CMTM7: variants seen among roughly 807,000 people sequenced by gnomAD.
The protein encoded by CMTM7 is CKLF-like MARVEL transmembrane domain-containing protein 7.
Under a neutral mutation model 19.3 loss-of-function variants are expected in CMTM7, and 7 were observed. The ratio of observed to expected loss-of-function variants is 0.36; its 90% CI spans 0.21 to 0.68. CMTM7 has a LOEUF of 0.68. CMTM7 is among the 30% of genes least tolerant of loss of function. CMTM7 has a pLI of 0.60. For synonymous variants in CMTM7, 87 were observed against 99.3 expected, an observed-to-expected ratio of 0.88 and a Z score of 0.74; for missense variants, 193 against 232.6, an observed-to-expected ratio of 0.83 and a Z score of 1.11.
In CMTM7 at chr3:32,455,465, T is replaced by C. The variant is rs1313077468; in HGVS notation, c.*1211T>C. On this transcript the variant is annotated 3_prime_UTR_variant, in exon 5 of 5. Coordinates refer to ENST00000334983, the MANE Select transcript of CMTM7 (RefSeq NM_138410.4). ...GCCCCTGTGGGCTTTGAGCTGGAGC[T>C]CTGGGGCTACTCTTGTGGCTGCTGG... The C allele has an allele frequency of 6.6e-6, 1 of 152,430 alleles. No individual in the cohort carries two copies. The highest frequency in any genetic ancestry group is 1.5e-5 in the Non-Finnish European group (1 of 68,250). The allele number at this position is 152,430 out of a possible 1,614,324, so 9.4% of individuals were successfully genotyped here.
chr3:32,454,502 G>C lies in CMTM7; in HGVS notation c.*248G>C. ...TTCTGGGAAAGGAAAGCAGCCTCCA[G>C]GGAAATGTTTTCTGCCTTCCTGCTT... On this transcript the variant is annotated 3_prime_UTR_variant, in exon 5 of 5. Transcript: ENST00000334983. 1 of 692,970 alleles carries C rather than the reference G, an allele frequency of 1.4e-6. No individual in the cohort carries two copies. Among genetic ancestry groups the C allele is most frequent in the Non-Finnish European group, 2.6e-6 (1 of 379,544 alleles). The allele number at this position is 692,970 out of a possible 1,614,324, so 42.9% of individuals were successfully genotyped here.
chr3:32,418,556 C>T (rs192302375), intron 1 of CMTM7, among the ~76,000 whole-genome samples: 69 of 152,144 alleles, frequency 4.5e-4, no homozygotes, highest in Admixed American at 1.6e-3. Context: ...GTCTGTGATC[C>T]GTTTTGAATT....
At chr3:32,444,808 T>A (rs1301207329) in intron 2 of CMTM7, among the ~76,000 whole-genome samples, 9 of 152,184 alleles carry the variant, frequency 5.9e-5, no homozygotes, top group Non-Finnish European at 2.9e-5. Flanking sequence ...TGGAGTGCAG[T>A]GGCAAGATCA....
At chr3:32,406,665 G>C (rs1041721709) in intron 1 of CMTM7, among the ~76,000 whole-genome samples, 1 of 152,218 alleles carries the variant, frequency 6.6e-6, no homozygotes, top group African/African-American at 2.4e-5. Context: ...GTTACAGGGA[G>C]TGTTCAAGTC....
At chr3:32,402,081 T>TTTTGTTTG (rs569991620) in intron 1 of CMTM7, among the ~76,000 whole-genome samples, 81 of 152,108 alleles carry the variant, frequency 5.3e-4, no homozygotes, top group African/African-American at 1.7e-3. Context: ...TAAGCAAAGG[T>TTTTGTTTG]TTTGTTTGTT....
At chr3:32,436,288 G>T (rs1696596855) in intron 1 of CMTM7, among the ~76,000 whole-genome samples, 1 of 152,194 alleles carries the variant, frequency 6.6e-6, no homozygotes, top group Non-Finnish European at 1.5e-5. Flanking sequence ...AGGTTTCTCA[G>T]CCAGTGGGTG....
intron 1 of CMTM7, among the ~76,000 whole-genome samples, chr3:32,412,410 C>T (rs1696190367): frequency 6.6e-6 from 1 of 151,278 alleles, no homozygotes; most frequent in Admixed American, 6.6e-5. Context: ...TTGCTTGAAC[C>T]CAGGAGGCAG....
chr3:32,413,068 G>A (rs1417664596), intron 1 of CMTM7, among the ~76,000 whole-genome samples: 1 of 152,166 alleles, frequency 6.6e-6, no homozygotes, highest in Non-Finnish European at 1.5e-5. Context: ...ACCTGTTTTT[G>A]TAAATAAAGT....
chr3:32,425,075 C>G (rs1423390173), intron 1 of CMTM7, among the ~76,000 whole-genome samples: 1 of 152,160 alleles, frequency 6.6e-6, no homozygotes, highest in Non-Finnish European at 1.5e-5. Context: ...AGGACTGAAT[C>G]CCAGTTCTGT....
intron 1 of CMTM7, among the ~76,000 whole-genome samples, chr3:32,408,698 A>G (rs1041926485): frequency 6.6e-6 from 1 of 152,208 alleles, no homozygotes; most frequent in African/African-American, 2.4e-5. Context: ...CCAAACCATC[A>G]GAATGCCAAA....
chr3:32,403,972 T>C (rs746828479), intron 1 of CMTM7, among the ~76,000 whole-genome samples: 17 of 152,156 alleles, frequency 1.1e-4, no homozygotes, highest in Non-Finnish European at 1.6e-4. Context: ...ATACACCATA[T>C]TTTAGGAAGC....
At chr3:32,446,866 C>G (rs1250854253) in intron 2 of CMTM7, among the ~76,000 whole-genome samples, 3 of 152,178 alleles carry the variant, frequency 2.0e-5, no homozygotes, top group Non-Finnish European at 4.4e-5. Flanking sequence ...AAGCCCTCAC[C>G]AGAAGCAGAT....
chr3:32,414,348 T>C (rs1696226711), intron 1 of CMTM7, among the ~76,000 whole-genome samples: 1 of 152,216 alleles, frequency 6.6e-6, no homozygotes, highest in South Asian at 2.1e-4. Flanking sequence ...CAGCTTCTGT[T>C]TGGTGCAAGT....
At chr3:32,393,636 T>A (rs1043555030) in intron 1 of CMTM7, among the ~76,000 whole-genome samples, 2 of 151,954 alleles carry the variant, frequency 1.3e-5, no homozygotes, top group South Asian at 2.1e-4. Flanking sequence ...ACAAAAAAAA[T>A]TTTAAAACCT....
At chr3:32,405,676 G>T (rs550586059) in intron 1 of CMTM7, among the ~76,000 whole-genome samples, 2 of 152,272 alleles carry the variant, frequency 1.3e-5, no homozygotes, top group South Asian at 4.2e-4. Flanking sequence ...GATTGCTTGA[G>T]CCCAGGAGTT....
intron 1 of CMTM7, among the ~76,000 whole-genome samples, chr3:32,394,377 T>C (rs1045642664): frequency 6.6e-6 from 1 of 152,222 alleles, no homozygotes; most frequent in Non-Finnish European, 1.5e-5. Flanking sequence ...CTCAGTTTCA[T>C]ACTGAACAGG....
intron 1 of CMTM7, among the ~76,000 whole-genome samples, chr3:32,398,374 G>T (rs967764106): frequency 6.6e-6 from 1 of 152,088 alleles, no homozygotes; most frequent in Non-Finnish European, 1.5e-5. Flanking sequence ...TCTTCTGGGA[G>T]GTTCATTTAT....
chr3:32,432,253 C>T (rs144300276), intron 1 of CMTM7, among the ~76,000 whole-genome samples: 73 of 152,294 alleles, frequency 4.8e-4, no homozygotes, highest in African/African-American at 1.6e-3. Flanking sequence ...TGGTACCTAG[C>T]GGGTATTCAG....
intron 1 of CMTM7, among the ~76,000 whole-genome samples, chr3:32,435,175 G>C (rs986018016): frequency 6.6e-6 from 1 of 152,152 alleles, no homozygotes; most frequent in Non-Finnish European, 1.5e-5. Flanking sequence ...AGGCCGAGGC[G>C]GGTGGATCAC....
Sources: allele counts gnomAD v4.1 joint callset (sites outside exome capture counted in the v4.1 genomes callset), GRCh38; gene constraint gnomAD v4.1.1; transcripts MANE v1.5; gene names NCBI Gene and HGNC (gene_info 2026-07-23, HGNC 2026-07-21).